The following KIAA1217 variants were observed in gnomAD, a reference collection of about 807,000 sequenced individuals.
KIAA1217 encodes KIAA1217.
A neutral mutation model predicts 163.9 loss-of-function variants in KIAA1217; 88 were observed. That is an observed-to-expected ratio of 0.54 (90% CI 0.45 to 0.64). KIAA1217 has a LOEUF of 0.64. Among genes scored for constraint, KIAA1217 ranks in the 30% least tolerant of loss-of-function variants. The pLI, the probability that KIAA1217 is intolerant of heterozygous loss-of-function variation, is 0.00. For synonymous variants in KIAA1217, 903 were observed against 923.1 expected, an observed-to-expected ratio of 0.98 and a Z score of 0.39; for missense variants, 2,372 against 2,475.0, an observed-to-expected ratio of 0.96 and a Z score of 0.88.
chr10:24,077,029 A>G (rs1363377703), intron 2 of KIAA1217, among the ~76,000 whole-genome samples: 1 of 151,994 alleles, frequency 6.6e-6, no homozygotes, highest in Non-Finnish European at 1.5e-5. Flanking sequence ...GGCATGCACC[A>G]CCATGCCTGG....
At chr10:24,259,187 G>A (rs1340425602) in intron 2 of KIAA1217, among the ~76,000 whole-genome samples, 2 of 151,976 alleles carry the variant, frequency 1.3e-5, no homozygotes, top group Non-Finnish European at 2.9e-5. Flanking sequence ...GTTTGTGAGC[G>A]TGTCTACTCA....
intron 5 of KIAA1217, among the ~76,000 whole-genome samples, chr10:24,456,509 G>C (rs569844163): frequency 7.2e-5 from 11 of 152,102 alleles, no homozygotes; most frequent in Non-Finnish European, 1.6e-4. Context: ...ACTGAAGCAA[G>C]TAAGCAGCTG....
At chr10:23,746,555 T>C (rs996557689) in intron 1 of KIAA1217, among the ~76,000 whole-genome samples, 1 of 151,808 alleles carries the variant, frequency 6.6e-6, no homozygotes, top group African/African-American at 2.4e-5. Context: ...TCCCGAGTAG[T>C]TGGGACTACA....
chr10:24,381,279 T>A (rs11014073), intron 3 of KIAA1217, among the ~76,000 whole-genome samples: 58,314 of 152,026 alleles, frequency 0.38, 11,386 homozygotes, highest in South Asian at 0.55. Context: ...GGCTGGGCAC[T>A]TTCAGAAGTG....
At chr10:24,467,503 T>C (rs1052865746) in intron 5 of KIAA1217, among the ~76,000 whole-genome samples, 1 of 152,244 alleles carries the variant, frequency 6.6e-6, no homozygotes, top group Non-Finnish European at 1.5e-5. Context: ...TTTCTGTGTC[T>C]GGGCTTAGGT....
intron 1 of KIAA1217, among the ~76,000 whole-genome samples, chr10:23,853,163 C>T (rs1046100327): frequency 1.3e-5 from 2 of 152,084 alleles, no homozygotes; most frequent in East Asian, 1.9e-4. Context: ...TCATAGATAG[C>T]TCTTATTATT....
At chr10:23,709,203 C>G (rs998625560) in intron 1 of KIAA1217, among the ~76,000 whole-genome samples, 3 of 152,022 alleles carry the variant, frequency 2.0e-5, no homozygotes, top group African/African-American at 7.2e-5. Context: ...TCGGCTATAG[C>G]AGTAGTGGAG....
chr10:24,544,618 A>C, intron 19 of KIAA1217, 137 bp downstream of exon 19: 1 of 1,019,422 alleles, frequency 9.8e-7, no homozygotes. Context: ...TCGCCATGAA[A>C]CCCTTCTTTC....
chr10:23,710,390 A>G (rs955292397), intron 1 of KIAA1217, among the ~76,000 whole-genome samples: 2 of 152,226 alleles, frequency 1.3e-5, no homozygotes, highest in South Asian at 2.1e-4. Flanking sequence ...GTCACCAAGG[A>G]CACTTCTGCA....
intron 2 of KIAA1217, among the ~76,000 whole-genome samples, chr10:24,107,417 G>A (rs1432452870): frequency 6.6e-6 from 1 of 152,172 alleles, no homozygotes; most frequent in African/African-American, 2.4e-5. Context: ...GGGTTGCTGG[G>A]ACAAATGGTA....
At chr10:24,070,626 C>T (rs2061150447) in intron 2 of KIAA1217, among the ~76,000 whole-genome samples, 1 of 152,050 alleles carries the variant, frequency 6.6e-6, no homozygotes, top group African/African-American at 2.4e-5. Context: ...CTTGAAGAAA[C>T]CCAAAAGTTA....
At chr10:24,166,720 G>C (rs1331135828) in intron 2 of KIAA1217, among the ~76,000 whole-genome samples, 1 of 152,084 alleles carries the variant, frequency 6.6e-6, no homozygotes, top group East Asian at 1.9e-4. Context: ...GCCTGACTCA[G>C]TCTCAAATTA....
intron 2 of KIAA1217, among the ~76,000 whole-genome samples, chr10:24,037,228 G>A (rs1848430794): frequency 6.6e-6 from 1 of 152,160 alleles, no homozygotes; most frequent in African/African-American, 2.4e-5. Context: ...CACTTTGGGA[G>A]GCCAAGGCAG....
rs774881760 is a variant in KIAA1217 at position 23,824,218 on chromosome 10, G to A, written c.-321+128984G>A. ...ATCTGGGGGTGGTAGAGGTTGTACTGAGCTGAGATCATGCCACTGTACTGC... is the reference window on the plus strand; with the variant it reads ...ATCTGGGGGTGGTAGAGGTTGTACTAAGCTGAGATCATGCCACTGTACTGC... On this transcript the variant is annotated intron_variant, in intron 1 of 18. Transcript: ENST00000376462. Among the ~76,000 whole-genome samples the A allele has an allele frequency of 8.5e-5, 13 of 152,048 alleles. No individual in the cohort carries two copies. The East Asian group carries it at 2.5e-3, about 29-fold the overall frequency.
chr10:24,065,359 T>C (rs1382828269), intron 2 of KIAA1217, among the ~76,000 whole-genome samples: 1 of 152,212 alleles, frequency 6.6e-6, no homozygotes, highest in Non-Finnish European at 1.5e-5. Flanking sequence ...TTCTCGTTGG[T>C]TTCAAAGAAC....
At chr10:24,045,727 G>A (rs1034358146) in intron 2 of KIAA1217, among the ~76,000 whole-genome samples, 1 of 152,030 alleles carries the variant, frequency 6.6e-6, no homozygotes, top group Non-Finnish European at 1.5e-5. Flanking sequence ...TTTACCTAAT[G>A]TACTTATCTT....
At chr10:23,843,122 A>G (rs1427730010) in intron 1 of KIAA1217, among the ~76,000 whole-genome samples, 1 of 152,186 alleles carries the variant, frequency 6.6e-6, no homozygotes, top group Non-Finnish European at 1.5e-5. Flanking sequence ...GGTCAAAGAG[A>G]CAAAGTTTGA....
chr10:24,454,159 G>A (rs80210409), intron 5 of KIAA1217, among the ~76,000 whole-genome samples: 8 of 152,202 alleles, frequency 5.3e-5, no homozygotes, highest in Admixed American at 1.3e-4. Flanking sequence ...GATCAGCATC[G>A]TACTATTTGG....
At chr10:24,016,789 C>T (rs12783330) in intron 2 of KIAA1217, among the ~76,000 whole-genome samples, 1,586 of 151,976 alleles carry the variant, frequency 0.01, 14 homozygotes, top group Non-Finnish European at 0.016. Context: ...GTACCAACCT[C>T]ATACATTTAT....
Sources: allele counts gnomAD v4.1 joint callset (sites outside exome capture counted in the v4.1 genomes callset), GRCh38; gene constraint gnomAD v4.1.1; transcripts MANE v1.5; gene names NCBI Gene and HGNC (gene_info 2026-07-23, HGNC 2026-07-21).